CABLES1: variants seen among roughly 807,000 people sequenced by gnomAD.
CABLES1 encodes the protein CDK5 and ABL1 enzyme substrate 1.
In CABLES1, 36 loss-of-function variants were observed where a neutral mutation model predicts 57.8. That is an observed-to-expected ratio of 0.62 (90% CI 0.48 to 0.82). CABLES1 has a LOEUF of 0.82. Among genes scored for constraint, CABLES1 ranks in the 40% least tolerant of loss-of-function variants. The pLI is 0.00. For missense variants in CABLES1, 767 were observed against 836.6 expected, an observed-to-expected ratio of 0.92 and a Z score of 1.03; for synonymous variants, 374 against 363.0, an observed-to-expected ratio of 1.03 and a Z score of -0.35.
At chr18:23,190,182 C>T (rs1243706358) in intron 2 of CABLES1, 1 of 152,236 alleles carries the variant, frequency 6.6e-6, no homozygotes, top group Non-Finnish European at 1.5e-5. Context: ...GGGAGCTGGC[C>T]TTGGTCCACA....
At chr18:23,197,349 G>A (rs1318513821) in intron 3 of CABLES1, 1 of 152,220 alleles carries the variant, frequency 6.6e-6, no homozygotes, top group Non-Finnish European at 1.5e-5. Context: ...CATGCAAAGT[G>A]GAAGTGAACG....
intron 3 of CABLES1, among the ~76,000 whole-genome samples, chr18:23,212,180 T>C (rs774742504): frequency 6.6e-6 from 1 of 152,162 alleles, no homozygotes; most frequent in Non-Finnish European, 1.5e-5. Context: ...AGGTTCTGAG[T>C]CCATGGACTA....
chr18:23,239,990 C>G (rs533255014), intron 7 of CABLES1, among the ~76,000 whole-genome samples: 1 of 152,122 alleles, frequency 6.6e-6, no homozygotes, highest in Admixed American at 6.5e-5. Flanking sequence ...TGGTGTTGCG[C>G]GCCTGTAGTC....
intron 1 of CABLES1, among the ~76,000 whole-genome samples, chr18:23,146,493 A>C (rs1302496723): frequency 6.6e-6 from 1 of 152,120 alleles, no homozygotes; most frequent in Non-Finnish European, 1.5e-5. Context: ...GGCGTGAGCT[A>C]CCCTGCCCAG....
intron 1 of CABLES1, among the ~76,000 whole-genome samples, chr18:23,176,967 C>T (rs2144998705): frequency 6.6e-6 from 1 of 152,220 alleles, no homozygotes; most frequent in South Asian, 2.1e-4. Context: ...GCCTGAGCCC[C>T]TGCTGGTTCT....
At chr18:23,208,118 G>C (rs1938820410) in intron 3 of CABLES1, among the ~76,000 whole-genome samples, 1 of 152,152 alleles carries the variant, frequency 6.6e-6, no homozygotes, top group Non-Finnish European at 1.5e-5. Context: ...CAGGCTCCTT[G>C]TTCTAGTGCC....
At chr18:23,143,390 C>T (rs909062964) in intron 1 of CABLES1, among the ~76,000 whole-genome samples, 2 of 152,234 alleles carry the variant, frequency 1.3e-5, no homozygotes, top group Non-Finnish European at 2.9e-5. Flanking sequence ...CAATTAGCAA[C>T]AGGAACCTGG....
intron 4 of CABLES1, chr18:23,219,054 C>T (rs776581969): frequency 1.3e-4 from 52 of 390,004 alleles, no homozygotes; most frequent in Non-Finnish European, 2.2e-4. Context: ...CCCACCCCCC[C>T]GCAAGTGCCT....
chr18:23,243,468 G>GTTTTTTTTTTT (rs551293348), intron 7 of CABLES1, among the ~76,000 whole-genome samples: 1 of 101,878 alleles, frequency 9.8e-6, no homozygotes, highest in African/African-American at 3.6e-5. Context: ...TGGGTTTGGT[G>GTTTTTTTTTTT]TTTTTTTTTT....
chr18:23,230,897 C>G (rs1169496473), intron 4 of CABLES1, among the ~76,000 whole-genome samples: 44 of 152,196 alleles, frequency 2.9e-4, no homozygotes, highest in Non-Finnish European at 2.9e-5. Context: ...CGCCCCGTGA[C>G]CCCTCCAGGC....
intron 4 of CABLES1, among the ~76,000 whole-genome samples, chr18:23,221,391 G>C (rs1225198779): frequency 6.6e-6 from 1 of 152,214 alleles, no homozygotes; most frequent in Admixed American, 6.5e-5. Context: ...TGAACCCCTA[G>C]TGGCTCTGAG....
At position 23,253,869 on chromosome 18, in the gene CABLES1, C is replaced by T. The variant is rs1568096044; in HGVS notation, c.1694C>T (p.Ala565Val). The change falls in exon 9 of 10, where the codon GCA (alanine) becomes GTA (valine). Residue 565 changes from alanine (A) to valine (V), a missense_variant. Transcript: ENST00000256925. ...NKQNRKLCAG[A>V]CVLLAAKIGS... ...CAGAACCGGAAGCTGTGTGCTGGGG[C>T]ATGTGTGCTGTTAGCAGCCAAAATT... The T allele has an allele frequency of 6.2e-7, 1 of 1,614,224 alleles. No individual in the cohort carries two copies. The highest frequency in any genetic ancestry group is 1.1e-5 in the South Asian group (1 of 91,080).
rs543684452 is a variant in CABLES1, at chr18:23,179,453, T to G, written c.846-9385T>G. ...TTGGTCTGTATTCTGGATATGGATCTGGCTTTCAGCGTGTTAGTTGAGGCT... is the reference window on the plus strand; with the variant it reads ...TTGGTCTGTATTCTGGATATGGATCGGGCTTTCAGCGTGTTAGTTGAGGCT... On this transcript the variant is annotated intron_variant, in intron 1 of 9. Transcript: ENST00000256925. 2.0e-4 allele frequency among the ~76,000 whole-genome samples: 30 copies of G among 152,362 alleles called. No homozygotes were observed. In the South Asian group the frequency reaches 5.8e-3, roughly 30 times the overall value.
chr18:23,190,419 A>G lies in CABLES1; in HGVS notation c.917+1510A>G, dbSNP rs981595854. On this transcript the variant is annotated intron_variant, in intron 2 of 9. Transcript: ENST00000256925. ...CGAAGGAAACCGGGTGACTCGGGGT[A>G]CCGGCTACAGAGGGCTCTCCCCTCT... is the stretch of plus-strand genomic sequence containing the variant. The G allele has an allele frequency of 2.0e-5, 3 of 152,254 alleles. No individual in the cohort carries two copies. In the South Asian group the frequency reaches 6.2e-4, roughly 32 times the overall value. The allele number at this position is 152,254 out of a possible 1,614,324, so 9.4% of individuals were successfully genotyped here.
At chr18:23,178,229 C>G (rs1346019687) in intron 1 of CABLES1, among the ~76,000 whole-genome samples, 1 of 151,944 alleles carries the variant, frequency 6.6e-6, no homozygotes, top group East Asian at 1.9e-4. Flanking sequence ...TTTTTTCAAC[C>G]AGTACCCAGT....
At chr18:23,138,438 ATCC>A (rs1291785750) in intron 1 of CABLES1, among the ~76,000 whole-genome samples, 1 of 152,208 alleles carries the variant, frequency 6.6e-6, no homozygotes, top group Non-Finnish European at 1.5e-5. Flanking sequence ...TTTCTGAATA[ATCC>A]GTATCTGGCA....
intron 1 of CABLES1, among the ~76,000 whole-genome samples, chr18:23,182,179 C>T (rs914133105): frequency 6.6e-6 from 1 of 152,206 alleles, no homozygotes; most frequent in Admixed American, 6.5e-5. Flanking sequence ...ACTGGTTCTT[C>T]ACACCCATGT....
intron 1 of CABLES1, among the ~76,000 whole-genome samples, chr18:23,165,371 T>G (rs1297575453): frequency 2.6e-5 from 4 of 152,200 alleles, no homozygotes; most frequent in Admixed American, 2.6e-4. Context: ...GCACTGAGAT[T>G]ACAAGGTGTA....
intron 9 of CABLES1, among the ~76,000 whole-genome samples, chr18:23,255,148 G>C (rs1221837763): frequency 6.6e-6 from 1 of 152,154 alleles, no homozygotes; most frequent in Non-Finnish European, 1.5e-5. Context: ...CCATGGAGGA[G>C]GTGGTGGGAA....
Sources: allele counts gnomAD v4.1 joint callset (sites outside exome capture counted in the v4.1 genomes callset), GRCh38; gene constraint gnomAD v4.1.1; transcripts MANE v1.5; gene names NCBI Gene and HGNC (gene_info 2026-07-23, HGNC 2026-07-21).